KLF8: variants seen among roughly 807,000 people sequenced by gnomAD.
KLF8 encodes the protein Krueppel-like factor 8.
Under a neutral mutation model 18.2 loss-of-function variants are expected in KLF8, and 10 were observed. The observed-to-expected ratio is 0.55, with a 90% confidence interval of 0.34 to 0.93. KLF8 has a LOEUF of 0.93. KLF8 is among the 40% of genes least tolerant of loss of function. The probability of loss-of-function intolerance (pLI) is 0.02; values close to 1 mark genes in which losing one functional copy is unlikely to be tolerated. For synonymous variants in KLF8, 109 were observed against 97.3 expected, an observed-to-expected ratio of 1.12 and a Z score of -0.71; for missense variants, 264 against 277.9, an observed-to-expected ratio of 0.95 and a Z score of 0.36.
At chrX:56,279,955 C>T (rs4826314) in intron 5 of KLF8, among the ~76,000 whole-genome samples, 1,351 of 111,811 alleles carry the variant, frequency 0.012, 61 homozygotes, top group Admixed American at 0.11. Flanking sequence ...TCATTGCCCT[C>T]CAAAGATTGT....
the KLF8 span, among the ~76,000 whole-genome samples, chrX:55,993,702 G>A: frequency 1.8e-5 from 2 of 111,314 alleles, no homozygotes; most frequent in Non-Finnish European, 1.9e-5. Context: ...TGCATGTGTA[G>A]TAAAATATGG....
At chrX:56,054,877 TG>T in the KLF8 span, among the ~76,000 whole-genome samples, 2 of 112,225 alleles carry the variant, frequency 1.8e-5, no homozygotes, top group African/African-American at 6.5e-5. Context: ...GTTTAAAATT[TG>T]TTTTGCCTGA....
chrX:56,023,094 G>T, the KLF8 span, among the ~76,000 whole-genome samples: 1 of 111,006 alleles, frequency 9.0e-6, no homozygotes. Flanking sequence ...GTAATTTATA[G>T]GACAATTACA....
chrX:56,084,767 A>G, the KLF8 span, among the ~76,000 whole-genome samples: 2 of 112,502 alleles, frequency 1.8e-5, no homozygotes, highest in Non-Finnish European at 3.7e-5. Context: ...TGTGCCAGTT[A>G]GAGAGAAAAG....
chrX:56,076,350 C>T, the KLF8 span, among the ~76,000 whole-genome samples: 1 of 94,863 alleles, frequency 1.1e-5, no homozygotes, highest in African/African-American at 3.9e-5. Context: ...TCCATATGTT[C>T]TCATTGTTCA....
At chrX:56,080,714 A>T in the KLF8 span, among the ~76,000 whole-genome samples, 1 of 111,311 alleles carries the variant, frequency 9.0e-6, no homozygotes, top group Non-Finnish European at 1.9e-5. Flanking sequence ...AGATTGGGGA[A>T]ATTCTCCTGG....
intron 2 of KLF8, among the ~76,000 whole-genome samples, chrX:56,255,108 A>G (rs1195374198): frequency 8.9e-6 from 1 of 112,161 alleles, no homozygotes; most frequent in African/African-American, 3.2e-5. Flanking sequence ...TCAGTGTTTT[A>G]TAGTTTTCAT....
chrX:56,131,391 G>T, the KLF8 span, among the ~76,000 whole-genome samples: 1 of 111,511 alleles, frequency 9.0e-6, no homozygotes, highest in Non-Finnish European at 1.9e-5. Context: ...GTGAAAATAA[G>T]CTTCATAAAT....
At chrX:56,263,697 T>C (rs974673170) in intron 2 of KLF8, among the ~76,000 whole-genome samples, 2 of 112,302 alleles carry the variant, frequency 1.8e-5, no homozygotes, top group African/African-American at 6.5e-5. Context: ...AACATAATTA[T>C]CACACCTTAA....
the KLF8 span, among the ~76,000 whole-genome samples, chrX:56,115,185 A>C: frequency 7.2e-5 from 8 of 111,241 alleles, no homozygotes; most frequent in African/African-American, 2.3e-4. Context: ...AGGCTGAGGC[A>C]GGAGGATTGT....
chrX:56,245,550 C>T (rs189756988), intron 1 of KLF8, among the ~76,000 whole-genome samples: 1 of 111,870 alleles, frequency 8.9e-6, no homozygotes, highest in Non-Finnish European at 1.9e-5. Context: ...ATCTTCTTCC[C>T]TATTTCTTCC....
chrX:56,061,910 A>T, the KLF8 span, among the ~76,000 whole-genome samples: 5 of 99,348 alleles, frequency 5.0e-5, no homozygotes, highest in Non-Finnish European at 9.8e-5. Flanking sequence ...CTTTACCATT[A>T]TTTAATGTTC....
the KLF8 span, among the ~76,000 whole-genome samples, chrX:56,193,393 C>T: frequency 9.0e-6 from 1 of 111,416 alleles, no homozygotes; most frequent in African/African-American, 3.3e-5. Context: ...AGTACAACCA[C>T]CATGGAGAAC....
the KLF8 span, among the ~76,000 whole-genome samples, chrX:56,060,274 G>T: frequency 9.0e-5 from 10 of 111,715 alleles, no homozygotes; most frequent in Middle Eastern, 4.6e-3. Context: ...GTTTTCAAAG[G>T]GAATGCTTCC....
chrX:55,912,787 C>A, the KLF8 span, among the ~76,000 whole-genome samples: 1 of 111,645 alleles, frequency 9.0e-6, no homozygotes, highest in African/African-American at 3.3e-5. Context: ...TATTGAAGAC[C>A]TCCTTTGTAT....
chrX:55,910,149 G>T, the KLF8 span, among the ~76,000 whole-genome samples: 1 of 111,845 alleles, frequency 8.9e-6, no homozygotes, highest in African/African-American at 3.3e-5. Flanking sequence ...TTACTCAGCG[G>T]TCCAGGGTAG....
At chrX:56,108,037 G>A in the KLF8 span, among the ~76,000 whole-genome samples, 10 of 111,828 alleles carry the variant, frequency 8.9e-5, no homozygotes, top group Admixed American at 2.8e-4. Flanking sequence ...AAACACAACC[G>A]ATTTTTGTTG....
chrX:56,222,263 T>C, the KLF8 span, among the ~76,000 whole-genome samples: 5 of 111,554 alleles, frequency 4.5e-5, no homozygotes, highest in Middle Eastern at 9.2e-3. Flanking sequence ...AGAGTGCTGA[T>C]TGGTGCATTT....
chrX:56,011,316 T>C, the KLF8 span, among the ~76,000 whole-genome samples: 7 of 112,193 alleles, frequency 6.2e-5, no homozygotes, highest in African/African-American at 2.3e-4. Flanking sequence ...GATTGAGTAA[T>C]TCACTCAAAA....
Sources: gnomAD v4.1 joint callset for allele counts (sites outside exome capture counted in the v4.1 genomes callset) on GRCh38, gnomAD v4.1.1 for gene constraint, MANE v1.5 for transcripts, NCBI Gene and HGNC (gene_info 2026-07-23, HGNC 2026-07-21) for gene names.